BDH1: variants seen among roughly 807,000 people sequenced by gnomAD.
BDH1 encodes the protein D-beta-hydroxybutyrate dehydrogenase, mitochondrial.
A neutral mutation model predicts 33.1 loss-of-function variants in BDH1; 30 were observed. The ratio of observed to expected loss-of-function variants is 0.91; its 90% CI spans 0.68 to 1.23. The LOEUF (loss-of-function observed/expected upper bound fraction) is 1.23, where lower values mean the gene tolerates loss of function less well. Among genes scored for constraint, BDH1 ranks in the 50% most tolerant of loss-of-function variants. The probability of loss-of-function intolerance (pLI) is 0.00; values close to 1 mark genes in which losing one functional copy is unlikely to be tolerated. For synonymous variants in BDH1, 190 were observed against 183.6 expected, an observed-to-expected ratio of 1.03 and a Z score of -0.28; for missense variants, 443 against 464.4, an observed-to-expected ratio of 0.95 and a Z score of 0.42.
chr3:197,562,275 G>A (rs2163500), intron 1 of BDH1, among the ~76,000 whole-genome samples: 7,553 of 152,142 alleles, frequency 0.05, 241 homozygotes, highest in African/African-American at 0.066. Context: ...ATTCTAGTTC[G>A]GAGATGCATT....
chr3:197,531,437 G>GTGTATATATATATATACATATA (rs1260146711), intron 5 of BDH1, among the ~76,000 whole-genome samples: 9 of 145,400 alleles, frequency 6.2e-5, no homozygotes, highest in Non-Finnish European at 7.5e-5. Flanking sequence ...ATATATATAT[G>GTGTATATATATATATACATATA]TGTATATATA....
In BDH1 at chr3:197,512,030, G is replaced by T; in HGVS notation, c.897C>A (p.Ile299=). 1 of 1,614,200 alleles carries T rather than the reference G, an allele frequency of 6.2e-7. No individual in the cohort carries two copies. Among genetic ancestry groups the T allele is most frequent in the Non-Finnish European group, 8.5e-7 (1 of 1,180,034 alleles). Residue 299 remains isoleucine, a synonymous_variant, in exon 8 of 8, where the codon ATC becomes ATA. Transcript: ENST00000392379. ...CGGTCAGGGCGTGTGTGACAGCATC[G>T]ATGACAGGGGACGTGTCTGTGGAGC... ...SSGSTDTSPV[I]DAVTHALTAT... is the part of the protein sequence containing the mutation.
chr3:197,518,978 T>C (rs1713207843), intron 6 of BDH1, among the ~76,000 whole-genome samples: 1 of 22,158 alleles, frequency 4.5e-5, no homozygotes, highest in African/African-American at 2.4e-4. Context: ...CTCTATGGTC[T>C]CCATCCCCCC....
intron 1 of BDH1, among the ~76,000 whole-genome samples, chr3:197,561,481 G>C (rs112017588): frequency 4.0e-5 from 6 of 151,882 alleles, no homozygotes; most frequent in African/African-American, 1.5e-4. Flanking sequence ...GTTTTTTCCT[G>C]CTTTTAGGAT....
At chr3:197,551,863 C>T (rs1716598824) in intron 2 of BDH1, among the ~76,000 whole-genome samples, 1 of 152,094 alleles carries the variant, frequency 6.6e-6, no homozygotes, top group South Asian at 2.1e-4. Flanking sequence ...TTACAACTGC[C>T]AGATCAAGTG....
intron 5 of BDH1, among the ~76,000 whole-genome samples, chr3:197,527,124 C>T (rs1201720291): frequency 6.6e-6 from 1 of 152,166 alleles, no homozygotes; most frequent in African/African-American, 2.4e-5. Flanking sequence ...TGAGGACACT[C>T]GACACATGTT....
At position 197,511,042 on chromosome 3, in the gene BDH1, C is replaced by G. The variant is rs969724802; in HGVS notation, c.*853G>C. ...GGGAGTTCGGGACCAGCCTAGCCAA[C>G]ATGGTGAAACCCCATCTCTACTAAA... On this transcript the variant is annotated 3_prime_UTR_variant, in exon 8 of 8. Coordinates refer to ENST00000392379, the MANE Select transcript of BDH1 (RefSeq NM_203314.3). The G allele has an allele frequency of 1.3e-5, 2 of 152,250 alleles. No homozygotes were observed. Among genetic ancestry groups the G allele is most frequent in the Non-Finnish European group, 2.9e-5 (2 of 68,098 alleles). The allele number at this position is 152,250 out of a possible 1,614,324, so 9.4% of individuals were successfully genotyped here. A position where few individuals can be genotyped will look rare whatever the true frequency, so the allele number is the denominator to read the frequency against.
intron 3 of BDH1, chr3:197,543,111 A>G: frequency 1.0e-6 from 1 of 985,422 alleles, no homozygotes; most frequent in African/African-American, 1.7e-5. Context: ...GGAATCAGAA[A>G]CAATAACCAG....
chr3:197,559,707 C>T (rs117793067), upstream of BDH1, among the ~76,000 whole-genome samples: 570 of 152,346 alleles, frequency 3.7e-3, 20 homozygotes, highest in East Asian at 0.086. Flanking sequence ...GGCCCTGCCC[C>T]TTAGGGCATC....
intron 5 of BDH1, among the ~76,000 whole-genome samples, chr3:197,531,986 T>C (rs1232071788): frequency 6.6e-6 from 1 of 152,182 alleles, no homozygotes; most frequent in Non-Finnish European, 1.5e-5. Context: ...AAATGTCACT[T>C]CCTCTGGCAT....
chr3:197,523,420 G>T lies in BDH1; in HGVS notation c.268-639C>A, dbSNP rs533767458. ...CACTCAGGGGTGTCCCTGAACAGGG[G>T]TCCATTTTTTCTGGCTGTAAAACAG... is the stretch of plus-strand genomic sequence containing the variant. On this transcript the variant is annotated intron_variant, in intron 5 of 7. Transcript: ENST00000392379. This position sits in a 1 kb window ranked among gnomAD's most constrained non-coding sequence, Gnocchi z 4.5. Among the ~76,000 whole-genome samples, 1 of 152,240 alleles carries T rather than the reference G, an allele frequency of 6.6e-6. No individual in the cohort carries two copies. The highest frequency in any genetic ancestry group is 2.4e-5 in the African/African-American group (1 of 41,532).
chr3:197,536,484 G>A (rs1364375770), intron 3 of BDH1, among the ~76,000 whole-genome samples: 1 of 152,148 alleles, frequency 6.6e-6, no homozygotes, highest in African/African-American at 2.4e-5. Context: ...AGTACAGTAT[G>A]GGGTTTCCAT....
chr3:197,533,517 C>A lies in BDH1; in HGVS notation c.128G>T (p.Arg43Leu), dbSNP rs373798271. ...CTCCGCCGCACTGGCATAAGTCCGA[C>A]GGCCAATCGGGATAAAGGAAGTAGA... is the stretch of plus-strand genomic sequence containing the variant. ...LGSTSFIPIG[R>L]RTYASAAEPV... Residue 43 changes from arginine (R) to leucine (L), a missense_variant, in exon 4 of 8, where the codon CGT becomes CTT. Arg to Leu is a moderately radical substitution (Grantham distance 102). Transcript: ENST00000392379. 2.5e-6 allele frequency: 4 copies of A among 1,614,226 alleles called. No homozygotes were observed. In the Admixed American group the frequency reaches 6.7e-5, roughly 27 times the overall value.
chr3:197,532,623 GTGGCCCAAGCC>G (rs1714773173), intron 4 of BDH1, 101 bp from the exon 5 acceptor site: 1 of 831,716 alleles, frequency 1.2e-6, no homozygotes, highest in Non-Finnish European at 2.0e-6. Context: ...TGCTTCCTGA[GTGGCCCAAGCC>G]TGGCCCTCCC....
rs57389278 is a variant in BDH1 at position 197,510,684 on chromosome 3, GGTGT to G, written c.*1207_*1210del. On this transcript the variant is annotated 3_prime_UTR_variant, in exon 8 of 8. Transcript: ENST00000392379. ...TGTGTGTGTGTGTACATGTGTGTAA[GGTGT>G]GTGTGTGTGTGTGTGTGTGTGTGTG... The G allele has an allele frequency of 0.024, 1,402 of 58,694 alleles. 63 individuals are homozygous for G. The highest frequency in any genetic ancestry group is 0.04 in the East Asian group (93 of 2,346). 3.6% of individuals were successfully genotyped at this position (58,694 alleles called of 1,614,324 possible). A position where few individuals can be genotyped will look rare whatever the true frequency, so the allele number is the denominator to read the frequency against.
At chr3:197,542,903 A>T (rs1715772638) in intron 3 of BDH1, among the ~76,000 whole-genome samples, 1 of 152,098 alleles carries the variant, frequency 6.6e-6, no homozygotes, top group Non-Finnish European at 1.5e-5. Context: ...TTTTTGCCCT[A>T]ACCCAGGAAC....
In BDH1 at chr3:197,514,159, T is replaced by G; in HGVS notation, c.562+105A>C. 2 of 1,420,842 alleles carry G rather than the reference T, an allele frequency of 1.4e-6. No individual in the cohort carries two copies. Among genetic ancestry groups the G allele is most frequent in the Non-Finnish European group, 9.4e-7 (1 of 1,059,628 alleles). 88.0% of individuals were successfully genotyped at this position (1,420,842 alleles called of 1,614,324 possible). On this transcript the variant is annotated intron_variant, in intron 7 of 7. Coordinates refer to ENST00000392379, the MANE Select transcript of BDH1 (RefSeq NM_203314.3). This position sits in a 1 kb window ranked among gnomAD's most constrained non-coding sequence, Gnocchi z 4.2. The stretch of plus-strand genomic sequence containing the variant: ...CTGGGATTCACGAGCTCACCTCTGC[T>G]GAGTTGTGGACATTGGAGCTGCTGG...
chr3:197,546,428 G>A lies in BDH1; in HGVS notation c.16C>T (p.Leu6Phe). The change falls in exon 3 of 8, where the codon CTC (leucine) becomes TTC (phenylalanine). Residue 6 changes from leucine (L) to phenylalanine (F), a missense_variant. By Grantham distance (22) the Leu-to-Phe change is conservative. Transcript: ENST00000392379. MLATR[L>F]SRPLSRLPGK... is the part of the protein sequence containing the mutation. ...GGGAGCCGTGACAGGGGTCTGGAGA[G>A]GCGGGTGGCCAGCATGGTAGCAACG... The A allele has an allele frequency of 1.2e-6, 2 of 1,614,174 alleles. No individual in the cohort carries two copies. The highest frequency in any genetic ancestry group is 1.3e-5 in the African/African-American group (1 of 75,038).
At chr3:197,566,536 A>G (rs1182088587) in intron 1 of BDH1, among the ~76,000 whole-genome samples, 1 of 152,154 alleles carries the variant, frequency 6.6e-6, no homozygotes, top group Non-Finnish European at 1.5e-5. Flanking sequence ...TATGGAACAA[A>G]GTTCCATCAA....
Sources: gnomAD v4.1 joint callset for allele counts (sites outside exome capture counted in the v4.1 genomes callset) on GRCh38, gnomAD v4.1.1 for gene constraint, Gnocchi (gnomAD v3.1) non-coding constraint, MANE v1.5 for transcripts, NCBI Gene and HGNC (gene_info 2026-07-23, HGNC 2026-07-21) for gene names.